Variants in NRG3 observed in about 807,000 individuals in gnomAD.
NRG3 encodes pro-neuregulin-3, membrane-bound isoform.
NRG3 carries 31 observed loss-of-function variants against 66.9 expected under a neutral mutation model. That is an observed-to-expected ratio of 0.46 (90% CI 0.35 to 0.63). NRG3 has a LOEUF of 0.63. Ranked by LOEUF, NRG3 falls within the 20% of genes least tolerant of loss-of-function variation. The pLI, the probability that NRG3 is intolerant of heterozygous loss-of-function variation, is 0.00. For synonymous variants in NRG3, 393 were observed against 359.4 expected (o/e 1.09, Z -1.06); for missense variants, 910 against 878.9 (o/e 1.04, Z -0.45).
At chr10:82,745,538 C>T (rs2058605899) in intron 3 of NRG3, among the ~76,000 whole-genome samples, 3 of 152,086 alleles carry the variant, frequency 2.0e-5, no homozygotes, top group Admixed American at 1.3e-4. Flanking sequence ...ATCTGTCACT[C>T]TTATTACCGT....
intron 1 of NRG3, among the ~76,000 whole-genome samples, chr10:82,163,482 G>A (rs370378037): frequency 4.6e-5 from 7 of 152,130 alleles, no homozygotes; most frequent in African/African-American, 1.4e-4. Flanking sequence ...AGGCAATATA[G>A]TCCTTGAGGA....
intron 4 of NRG3, among the ~76,000 whole-genome samples, chr10:82,947,410 T>G (rs866359894): frequency 1.3e-5 from 2 of 152,112 alleles, no homozygotes. Context: ...AAATAAAGTT[T>G]CTATGAACAT....
At chr10:82,779,429 T>C (rs967834382) in intron 3 of NRG3, among the ~76,000 whole-genome samples, 24 of 152,168 alleles carry the variant, frequency 1.6e-4, no homozygotes, top group Admixed American at 8.5e-4. Context: ...ACGGACCTAC[T>C]CTACTTCAGT....
chr10:81,941,457 A>G (rs1210166113), intron 1 of NRG3, among the ~76,000 whole-genome samples: 1 of 152,124 alleles, frequency 6.6e-6, no homozygotes, highest in African/African-American at 2.4e-5. Context: ...GTGTGCATCT[A>G]TTAATTTTTG....
At chr10:82,699,586 T>C (rs1317109427) in intron 2 of NRG3, among the ~76,000 whole-genome samples, 1 of 152,114 alleles carries the variant, frequency 6.6e-6, no homozygotes, top group Non-Finnish European at 1.5e-5. Flanking sequence ...GCCCTTTATC[T>C]AATACTTATT....
At chr10:82,093,923 T>A (rs2066182381) in intron 1 of NRG3, among the ~76,000 whole-genome samples, 1 of 152,186 alleles carries the variant, frequency 6.6e-6, no homozygotes, top group African/African-American at 2.4e-5. Context: ...GTGTGGAAAT[T>A]GCTTTAATGC....
intron 4 of NRG3, among the ~76,000 whole-genome samples, chr10:82,939,319 C>A (rs1293010158): frequency 1.3e-5 from 2 of 151,836 alleles, no homozygotes; most frequent in African/African-American, 4.8e-5. Context: ...TGTTATTTAC[C>A]CTTAAATATC....
intron 2 of NRG3, among the ~76,000 whole-genome samples, chr10:82,397,627 T>C (rs148646217): frequency 0.01 from 1,560 of 152,312 alleles, 21 homozygotes; most frequent in African/African-American, 0.034. Flanking sequence ...GCCAGGGTTT[T>C]AAATGCCTGT....
At chr10:82,239,874 A>C (rs2133982612) in intron 1 of NRG3, among the ~76,000 whole-genome samples, 1 of 152,256 alleles carries the variant, frequency 6.6e-6, no homozygotes, top group Non-Finnish European at 1.5e-5. Context: ...ACAATGAAAT[A>C]GTTTAAATAT....
At chr10:82,428,397 G>T (rs2089587181) in intron 2 of NRG3, among the ~76,000 whole-genome samples, 1 of 151,666 alleles carries the variant, frequency 6.6e-6, no homozygotes, top group South Asian at 2.1e-4. Context: ...TCTGTTAATT[G>T]ATCTGAAATG....
intron 2 of NRG3, among the ~76,000 whole-genome samples, chr10:82,613,632 T>G (rs1390525289): frequency 6.6e-6 from 1 of 151,874 alleles, no homozygotes; most frequent in Non-Finnish European, 1.5e-5. Flanking sequence ...AGTTGTGATA[T>G]TTTCATAGTT....
chr10:82,512,691 G>T (rs376038615), intron 2 of NRG3, among the ~76,000 whole-genome samples: 1 of 152,024 alleles, frequency 6.6e-6, no homozygotes, highest in African/African-American at 2.4e-5. Flanking sequence ...TCTGATCTCC[G>T]CCAGAGTGAA....
chr10:81,959,276 A>G (rs756031454), intron 1 of NRG3, among the ~76,000 whole-genome samples: 1 of 152,160 alleles, frequency 6.6e-6, no homozygotes, highest in Non-Finnish European at 1.5e-5. Flanking sequence ...GCCTCAAATA[A>G]CTGTGAAACA....
intron 3 of NRG3, among the ~76,000 whole-genome samples, chr10:82,794,480 A>G (rs550303725): frequency 6.6e-6 from 1 of 152,280 alleles, no homozygotes; most frequent in South Asian, 2.1e-4. Context: ...CGAGCTGTGC[A>G]ATTTTGGGAC....
In NRG3 at chr10:81,875,661, G is replaced by T. The variant is rs1004400370; in HGVS notation, c.321G>T (p.Gly107=). The T allele has an allele frequency of 6.2e-7, 1 of 1,613,736 alleles. No individual in the cohort carries two copies. Among genetic ancestry groups the T allele is most frequent in the African/African-American group, 1.3e-5 (1 of 74,906 alleles). Residue 107 remains glycine (G), a synonymous_variant, in exon 1 of 9, where the codon GGG becomes GGT. Transcript: ENST00000372141. This position sits in a 1 kb window ranked among gnomAD's most constrained non-coding sequence, Gnocchi z 5.3. ...YVPTDLVDSK[G]MGQDPFFLSK... is the part of the protein sequence containing the mutation. ...CCACCGACCTAGTGGACTCCAAGGG[G>T]ATGGGCCAGGACCCCTTCTTCCTCT...
intron 6 of NRG3, among the ~76,000 whole-genome samples, chr10:82,969,697 T>C (rs1851552960): frequency 1.3e-5 from 2 of 152,216 alleles, no homozygotes; most frequent in Admixed American, 6.5e-5. Flanking sequence ...AACCTTGATA[T>C]GTTCCCTAGT....
chr10:82,536,619 T>C (rs1252121463), intron 2 of NRG3, among the ~76,000 whole-genome samples: 1 of 151,910 alleles, frequency 6.6e-6, no homozygotes, highest in Non-Finnish European at 1.5e-5. Context: ...CTTCTCTTGC[T>C]TGGACTCAGA....
chr10:82,297,087 C>T (rs2134697242), intron 1 of NRG3, among the ~76,000 whole-genome samples: 1 of 152,300 alleles, frequency 6.6e-6, no homozygotes. Context: ...CCTCCTGCTG[C>T]ATCCATGTTG....
intron 2 of NRG3, among the ~76,000 whole-genome samples, chr10:82,449,788 T>C (rs1485787527): frequency 6.6e-6 from 1 of 152,168 alleles, no homozygotes; most frequent in African/African-American, 2.4e-5. Flanking sequence ...TCCAATCATA[T>C]ACGTTTTTTT....
Sources: allele counts gnomAD v4.1 joint callset (sites outside exome capture counted in the v4.1 genomes callset), GRCh38; gene constraint gnomAD v4.1.1; non-coding constraint Gnocchi (gnomAD v3.1); transcripts MANE v1.5; gene names NCBI Gene and HGNC (gene_info 2026-07-23, HGNC 2026-07-21).